The following ADGRB3 variants were observed in gnomAD, a reference collection of about 807,000 sequenced individuals.
ADGRB3 encodes the protein brain-specific angiogenesis inhibitor 3.
A neutral mutation model predicts 193.4 loss-of-function variants in ADGRB3; 37 were observed. The observed-to-expected ratio is 0.19, with a 90% CI of 0.15 to 0.25. The LOEUF (loss-of-function observed/expected upper bound fraction) is 0.25. Ranked by LOEUF, ADGRB3 falls within the 10% of genes least tolerant of loss-of-function variation. The pLI is 1.00. For missense variants in ADGRB3, 1,637 were observed against 1,852.9 expected (o/e 0.88, Z 2.14); for synonymous variants, 690 against 644.2 (o/e 1.07, Z -1.08).
At chr6:69,223,783 A>T (rs1419781613) in intron 17 of ADGRB3, among the ~76,000 whole-genome samples, 1 of 151,250 alleles carries the variant, frequency 6.6e-6, no homozygotes, top group Non-Finnish European at 1.5e-5. Flanking sequence ...TAACCTCAAA[A>T]GTAGTTGGGA....
chr6:68,896,635 C>T (rs971771682), intron 3 of ADGRB3, among the ~76,000 whole-genome samples: 1 of 152,086 alleles, frequency 6.6e-6, no homozygotes, highest in Non-Finnish European at 1.5e-5. Flanking sequence ...CTGTTTCTTG[C>T]TTGAGAAGCA....
At chr6:69,126,312 G>C (rs1582480772) in intron 17 of ADGRB3, among the ~76,000 whole-genome samples, 1 of 152,008 alleles carries the variant, frequency 6.6e-6, no homozygotes, top group Admixed American at 6.5e-5. Flanking sequence ...GATTTGTTAG[G>C]GGAATTGGCT....
At chr6:69,282,857 C>A (rs971083750) in intron 20 of ADGRB3, among the ~76,000 whole-genome samples, 2 of 152,096 alleles carry the variant, frequency 1.3e-5, no homozygotes, top group African/African-American at 4.8e-5. Context: ...GAAAGACAGT[C>A]ATGTTATCAT....
chr6:69,320,573 T>A (rs1385578186), intron 20 of ADGRB3, among the ~76,000 whole-genome samples: 3 of 151,758 alleles, frequency 2.0e-5, no homozygotes, highest in African/African-American at 7.2e-5. Flanking sequence ...TATCTTTCTT[T>A]ATGCCTCTCT....
intron 3 of ADGRB3, among the ~76,000 whole-genome samples, chr6:68,656,563 T>C (rs1768494207): frequency 6.6e-6 from 1 of 151,636 alleles, no homozygotes; most frequent in African/African-American, 2.4e-5. Flanking sequence ...TTTATTAGTT[T>C]AGTTCATTGG....
intron 30 of ADGRB3, among the ~76,000 whole-genome samples, chr6:69,378,813 A>G (rs1769886910): frequency 6.6e-6 from 1 of 152,028 alleles, no homozygotes; most frequent in African/African-American, 2.4e-5. Context: ...AGTTCTTGGG[A>G]TATAGCAGGT....
chr6:68,703,835 A>C (rs2746131), intron 3 of ADGRB3, among the ~76,000 whole-genome samples: 58,062 of 151,850 alleles, frequency 0.38, 11,667 homozygotes, highest in East Asian at 0.6. Flanking sequence ...GTTGGTCAGG[A>C]TAGTCTCGAA....
chr6:68,731,294 CA>C (rs1458042434), intron 3 of ADGRB3, among the ~76,000 whole-genome samples: 2 of 151,306 alleles, frequency 1.3e-5, no homozygotes, highest in African/African-American at 2.4e-5. Flanking sequence ...ATATTGTAAA[CA>C]TTTTTTTTCC....
At chr6:69,047,596 TC>T (rs1481076897) in intron 13 of ADGRB3, among the ~76,000 whole-genome samples, 3 of 151,980 alleles carry the variant, frequency 2.0e-5, no homozygotes, top group Admixed American at 2.0e-4. Flanking sequence ...GATCACTATT[TC>T]TACATATTAT....
chr6:69,377,956 G>T (rs1361633451), intron 30 of ADGRB3, among the ~76,000 whole-genome samples: 1 of 152,062 alleles, frequency 6.6e-6, no homozygotes, highest in Non-Finnish European at 1.5e-5. Flanking sequence ...CCAGCGGGAA[G>T]ACCTCTTTTA....
chr6:69,114,744 C>T (rs1485389403), intron 17 of ADGRB3, among the ~76,000 whole-genome samples: 1 of 152,094 alleles, frequency 6.6e-6, no homozygotes, highest in Non-Finnish European at 1.5e-5. Context: ...GCCAGTTTTC[C>T]CAACACCATT....
chr6:69,244,772 A>G (rs528244104), intron 20 of ADGRB3, among the ~76,000 whole-genome samples: 1 of 152,166 alleles, frequency 6.6e-6, no homozygotes, highest in African/African-American at 2.4e-5. Flanking sequence ...TCTAGACCTA[A>G]GCTTGTTGTC....
At chr6:69,094,285 C>G (rs1772802965) in intron 17 of ADGRB3, among the ~76,000 whole-genome samples, 1 of 152,194 alleles carries the variant, frequency 6.6e-6, no homozygotes, top group South Asian at 2.1e-4. Context: ...TTAATTGGTG[C>G]ATTTTGATTA....
At chr6:69,224,671 A>G in intron 17 of ADGRB3, among the ~76,000 whole-genome samples, 1 of 152,188 alleles carries the variant, frequency 6.6e-6, no homozygotes, top group Non-Finnish European at 1.5e-5. Context: ...TATTAAACAC[A>G]TCACATATAA....
At chr6:69,348,917 G>T (rs1260330623) in intron 26 of ADGRB3, among the ~76,000 whole-genome samples, 1 of 152,186 alleles carries the variant, frequency 6.6e-6, no homozygotes, top group African/African-American at 2.4e-5. Context: ...AATTGTTTTG[G>T]TTTATTCCTT....
chr6:69,330,644 G>T, intron 23 of ADGRB3, 72 bp downstream of exon 23: 1 of 1,302,674 alleles, frequency 7.7e-7, no homozygotes, highest in Non-Finnish European at 1.1e-6. Flanking sequence ...CAATTAGAGT[G>T]GCAATTTTGA....
In ADGRB3 at chr6:68,986,585, G is replaced by C. The variant is rs3757045; in HGVS notation, c.1735-7183G>C. Among the ~76,000 whole-genome samples the C allele has an allele frequency of 1.6e-3, 241 of 152,234 alleles. 2 individuals are homozygous for C. The East Asian group carries it at 0.034, about 21-fold the overall frequency. On this transcript the variant is annotated intron_variant, in intron 10 of 31. Coordinates refer to ENST00000370598, the MANE Select transcript of ADGRB3 (RefSeq NM_001704.3). ...CTATATTTCCTGGAGACTTCAGGTAGATTTATAAATAATCAAATGCCATTG... is the reference window on the plus strand; with the variant it reads ...CTATATTTCCTGGAGACTTCAGGTACATTTATAAATAATCAAATGCCATTG...
chr6:69,115,524 A>G (rs930933927), intron 17 of ADGRB3, among the ~76,000 whole-genome samples: 22 of 152,246 alleles, frequency 1.4e-4, no homozygotes, highest in African/African-American at 5.1e-4. Flanking sequence ...GCAGCAAACC[A>G]CCACGGCACG....
At chr6:68,905,464 A>T (rs1394653637) in intron 3 of ADGRB3, among the ~76,000 whole-genome samples, 1 of 152,208 alleles carries the variant, frequency 6.6e-6, no homozygotes, top group East Asian at 1.9e-4. Context: ...ATTATGAACT[A>T]AAATTATAAA....
Sources: allele counts gnomAD v4.1 joint callset (sites outside exome capture counted in the v4.1 genomes callset), GRCh38; gene constraint gnomAD v4.1.1; transcripts MANE v1.5; gene names NCBI Gene and HGNC (gene_info 2026-07-23, HGNC 2026-07-21).